The following SAMD4A variants were observed in gnomAD, a reference collection of about 807,000 sequenced individuals.
SAMD4A encodes protein Smaug homolog 1.
In SAMD4A, 33 loss-of-function variants were observed where a neutral mutation model predicts 81.3. That is an observed-to-expected ratio of 0.41 (90% CI 0.31 to 0.54). The LOEUF is 0.54. Ranked by LOEUF, SAMD4A falls within the 20% of genes least tolerant of loss-of-function variation. The pLI, the probability that SAMD4A is intolerant of heterozygous loss-of-function variation, is 0.37. For missense variants in SAMD4A, 854 were observed against 951.1 expected (o/e 0.90, Z 1.34); for synonymous variants, 389 against 382.1 (o/e 1.02, Z -0.21).
chr14:54,634,344 A>AG (rs1183145325), intron 2 of SAMD4A, among the ~76,000 whole-genome samples: 6 of 151,838 alleles, frequency 4.0e-5, no homozygotes, highest in African/African-American at 1.5e-4. Context: ...GAATAGAAAT[A>AG]GGACCCATTG....
At chr14:54,659,410 A>G (rs990122767) in intron 2 of SAMD4A, among the ~76,000 whole-genome samples, 3 of 152,102 alleles carry the variant, frequency 2.0e-5, no homozygotes, top group South Asian at 2.1e-4. Flanking sequence ...GTGCGTGCGC[A>G]CGCACACACA....
At chr14:54,597,894 G>C (rs1437140072) in intron 2 of SAMD4A, among the ~76,000 whole-genome samples, 1 of 152,060 alleles carries the variant, frequency 6.6e-6, no homozygotes, top group East Asian at 1.9e-4. Context: ...GCCCCCTGTT[G>C]TGGTCTTAAG....
intron 4 of SAMD4A, among the ~76,000 whole-genome samples, chr14:54,737,839 A>T (rs1378732306): frequency 6.6e-6 from 1 of 152,170 alleles, no homozygotes; most frequent in Non-Finnish European, 1.5e-5. Context: ...GGGACATGAA[A>T]ATACCACTGA....
chr14:54,656,371 A>C (rs917685912), intron 2 of SAMD4A, among the ~76,000 whole-genome samples: 7 of 152,152 alleles, frequency 4.6e-5, no homozygotes, highest in Non-Finnish European at 1.0e-4. Context: ...ACATCTTTGG[A>C]GAGGCTTCTG....
intron 11 of SAMD4A, among the ~76,000 whole-genome samples, chr14:54,783,954 T>G (rs2039068246): frequency 6.6e-6 from 1 of 152,160 alleles, no homozygotes; most frequent in South Asian, 2.1e-4. Context: ...TGAATACAAA[T>G]ATCAAATATG....
At chr14:54,722,977 G>C (rs1330899606) in intron 3 of SAMD4A, among the ~76,000 whole-genome samples, 4 of 152,086 alleles carry the variant, frequency 2.6e-5, no homozygotes, top group Non-Finnish European at 4.4e-5. Context: ...CCTGACTCAA[G>C]AATGAAAAGC....
intron 2 of SAMD4A, among the ~76,000 whole-genome samples, chr14:54,672,116 G>T (rs2035897759): frequency 6.7e-6 from 1 of 149,732 alleles, no homozygotes; most frequent in African/African-American, 2.5e-5. Context: ...TTTGAGATGG[G>T]GTCTTGCCTT....
intron 3 of SAMD4A, among the ~76,000 whole-genome samples, chr14:54,733,936 A>G: frequency 6.6e-6 from 1 of 152,084 alleles, no homozygotes; most frequent in East Asian, 1.9e-4. Flanking sequence ...TGAAACAACC[A>G]CTGCTACTCT....
intron 11 of SAMD4A, among the ~76,000 whole-genome samples, chr14:54,782,600 A>G (rs1218644019): frequency 3.9e-5 from 6 of 152,232 alleles, no homozygotes; most frequent in Non-Finnish European, 7.4e-5. Flanking sequence ...CTGCTCACGT[A>G]TTGGCACGGT....
At chr14:54,690,805 C>G (rs2036413711) in intron 2 of SAMD4A, among the ~76,000 whole-genome samples, 1 of 152,214 alleles carries the variant, frequency 6.6e-6, no homozygotes, top group Non-Finnish European at 1.5e-5. Context: ...CTGTCACTCC[C>G]AGCTCAGAAC....
intron 2 of SAMD4A, among the ~76,000 whole-genome samples, chr14:54,668,445 A>G (rs2035801321): frequency 6.6e-6 from 1 of 152,188 alleles, no homozygotes; most frequent in African/African-American, 2.4e-5. Context: ...GATCCCCTAA[A>G]AGGATCTTGG....
At chr14:54,593,051 T>A (rs569941613) in intron 2 of SAMD4A, among the ~76,000 whole-genome samples, 1 of 152,370 alleles carries the variant, frequency 6.6e-6, no homozygotes, top group East Asian at 1.9e-4. Flanking sequence ...AATAGAATGA[T>A]ATAATAAACC....
chr14:54,756,723 T>G (rs558839203), intron 6 of SAMD4A, among the ~76,000 whole-genome samples: 2 of 152,330 alleles, frequency 1.3e-5, no homozygotes, highest in South Asian at 4.1e-4. Context: ...TGAGGACACT[T>G]CGGCTGCTCA....
intron 3 of SAMD4A, among the ~76,000 whole-genome samples, chr14:54,720,593 G>T (rs1043482689): frequency 1.3e-5 from 2 of 152,126 alleles, no homozygotes; most frequent in Non-Finnish European, 2.9e-5. Context: ...GCCTTACTGC[G>T]AGGGTCCTAG....
At chr14:54,778,014 C>A (rs1438176216) in intron 11 of SAMD4A, among the ~76,000 whole-genome samples, 1 of 152,090 alleles carries the variant, frequency 6.6e-6, no homozygotes, top group Non-Finnish European at 1.5e-5. Flanking sequence ...TAATCCATTC[C>A]CAATAAAAAA....
intron 7 of SAMD4A, among the ~76,000 whole-genome samples, chr14:54,761,154 C>G (rs2038387931): frequency 6.6e-6 from 1 of 152,240 alleles, no homozygotes; most frequent in Admixed American, 6.5e-5. Context: ...TCCTCTATAG[C>G]AGACACAGTT....
At chr14:54,777,546 G>A (rs545076486) in intron 11 of SAMD4A, among the ~76,000 whole-genome samples, 2 of 152,302 alleles carry the variant, frequency 1.3e-5, no homozygotes, top group South Asian at 2.1e-4. Context: ...TGTAAAGGTC[G>A]TGGCCGATGG....
At chr14:54,673,128 T>C (rs2035920463) in intron 2 of SAMD4A, among the ~76,000 whole-genome samples, 1 of 152,240 alleles carries the variant, frequency 6.6e-6, no homozygotes, top group Non-Finnish European at 1.5e-5. Flanking sequence ...CAGTGGCTCT[T>C]TTCCAGAGCA....
chr14:54,658,992 C>T (rs1187720534), intron 2 of SAMD4A, among the ~76,000 whole-genome samples: 1 of 152,164 alleles, frequency 6.6e-6, no homozygotes, highest in Non-Finnish European at 1.5e-5. Context: ...TCAGTTTGCA[C>T]ACCTGTAAAT....
Sources: gnomAD v4.1 joint callset for allele counts (sites outside exome capture counted in the v4.1 genomes callset) on GRCh38, gnomAD v4.1.1 for gene constraint, MANE v1.5 for transcripts, NCBI Gene and HGNC (gene_info 2026-07-23, HGNC 2026-07-21) for gene names.